The following CCDC88C variants were observed in gnomAD, a reference collection of about 807,000 sequenced individuals.
CCDC88C encodes the protein protein Daple.
Under a neutral mutation model 198.8 loss-of-function variants are expected in CCDC88C, and 131 were observed. The observed-to-expected ratio is 0.66, with a 90% confidence interval of 0.57 to 0.76. The LOEUF (loss-of-function observed/expected upper bound fraction) is 0.76. Among genes scored for constraint, CCDC88C ranks in the 30% least tolerant of loss-of-function variants. The pLI is 0.00. For synonymous variants in CCDC88C, 1,166 were observed against 1,114.7 expected (o/e 1.05, Z -0.92); for missense variants, 2,553 against 2,631.6 (o/e 0.97, Z 0.65).
intron 3 of CCDC88C, among the ~76,000 whole-genome samples, chr14:91,401,781 G>A (rs1034975532): frequency 2.0e-5 from 3 of 152,072 alleles, no homozygotes; most frequent in Non-Finnish European, 4.4e-5. Context: ...TCTGTACAAC[G>A]TATTATTACT....
chr14:91,278,864 C>A (rs1291367569), intron 28 of CCDC88C, among the ~76,000 whole-genome samples: 1 of 150,256 alleles, frequency 6.7e-6, no homozygotes, highest in Admixed American at 6.6e-5. Flanking sequence ...AATAATATGA[C>A]CCCAGAGCCA....
At chr14:91,323,442 C>T (rs1373444197) in intron 12 of CCDC88C, among the ~76,000 whole-genome samples, 1 of 152,188 alleles carries the variant, frequency 6.6e-6, no homozygotes, top group Non-Finnish European at 1.5e-5. Flanking sequence ...TAAGTACTTG[C>T]CCTAGGTCAC....
At chr14:91,304,385 C>G (rs1037083534) in intron 19 of CCDC88C, among the ~76,000 whole-genome samples, 1 of 152,180 alleles carries the variant, frequency 6.6e-6, no homozygotes, top group Non-Finnish European at 1.5e-5. Flanking sequence ...GAATTCAAGA[C>G]CAGCCTGAGC....
chr14:91,272,849 G>A lies in CCDC88C; in HGVS notation c.5863C>T (p.Pro1955Ser). ...PRSGEVATIT[P>S]VRAGLSLSEG... The stretch of plus-strand genomic sequence containing the variant: ...GAGAGGCTGAGCCCTGCCCGGACAG[G>A]GGTGATGGTGGCCACCTCCCCTGAG... Residue 1955 changes from proline to serine, a missense_variant, in exon 30 of 30, where the codon CCT (proline) becomes TCT (serine). Pro to Ser is a moderately conservative substitution (Grantham distance 74). This residue lies in a region of CCDC88C where 1,293 missense variants were observed against 1,219.6 expected (regional missense o/e 1.06). Coordinates refer to ENST00000389857, the MANE Select transcript of CCDC88C (RefSeq NM_001080414.4). 3.1e-6 allele frequency: 5 copies of A among 1,593,772 alleles called. No individual in the cohort carries two copies. The highest frequency in any genetic ancestry group is 1.1e-5 in the South Asian group (1 of 89,808).
At chr14:91,391,179 G>C (rs1331323436) in intron 3 of CCDC88C, among the ~76,000 whole-genome samples, 2 of 151,856 alleles carry the variant, frequency 1.3e-5, no homozygotes, top group Non-Finnish European at 2.9e-5. Flanking sequence ...CTGGACCCAG[G>C]GAATGCAGAA....
intron 4 of CCDC88C, among the ~76,000 whole-genome samples, chr14:91,350,900 T>C (rs1361237926): frequency 6.6e-6 from 1 of 152,204 alleles, no homozygotes; most frequent in Non-Finnish European, 1.5e-5. Flanking sequence ...GCATGATGAC[T>C]CCATCTCAGA....
At chr14:91,316,831 T>C (rs1000859594) in intron 13 of CCDC88C, among the ~76,000 whole-genome samples, 6 of 152,194 alleles carry the variant, frequency 3.9e-5, no homozygotes, top group Non-Finnish European at 8.8e-5. Flanking sequence ...TATACTCCGG[T>C]CCATCCCCGA....
rs1239070390 is a variant in CCDC88C, at chr14:91,386,289, C to CAAAAA, written c.270+22365_270+22369dup. On this transcript the variant is annotated intron_variant, in intron 3 of 29. Transcript: ENST00000389857. ...TGAAACCCTGTCTCTACTAAAAATA[C>CAAAAA]AAAAAAAAAAAAAAACAAAAACCTA... Among the ~76,000 whole-genome samples the CAAAAA allele has an allele frequency of 6.5e-5, 7 of 106,892 alleles. 1 individual carries two copies. The highest frequency in any genetic ancestry group is 2.7e-4 in the East Asian group (1 of 3,704). 70.1% of individuals were successfully genotyped at this position (106,892 alleles called of 152,430 possible).
chr14:91,410,858 G>T (rs1177495692), intron 2 of CCDC88C, among the ~76,000 whole-genome samples: 1 of 152,048 alleles, frequency 6.6e-6, no homozygotes, highest in South Asian at 2.1e-4. Context: ...GAAGTCAGAC[G>T]GGACCACCCC....
intron 20 of CCDC88C, among the ~76,000 whole-genome samples, chr14:91,300,422 C>T (rs746339855): frequency 1.3e-4 from 20 of 152,202 alleles, no homozygotes; most frequent in Non-Finnish European, 2.4e-4. Context: ...ATTATAAATA[C>T]GCTACTAGGT....
chr14:91,297,111 A>T (rs1051243118), intron 22 of CCDC88C, among the ~76,000 whole-genome samples, 194 bp downstream of exon 22: 1 of 152,168 alleles, frequency 6.6e-6, no homozygotes, highest in African/African-American at 2.4e-5. Flanking sequence ...GTGTTTTCGT[A>T]TACAGTCCCA....
intron 2 of CCDC88C, among the ~76,000 whole-genome samples, chr14:91,413,882 T>TG (rs755110924): frequency 2.6e-5 from 4 of 152,132 alleles, no homozygotes; most frequent in Non-Finnish European, 5.9e-5. Context: ...CCTACAAACT[T>TG]GGGGTGAAGG....
Position 91,289,092 on chromosome 14 carries a change from C to T in CCDC88C, c.4441+13G>A, listed in dbSNP as rs1890544802. On this transcript the variant is annotated intron_variant, in intron 25 of 29. Coordinates refer to ENST00000389857, the MANE Select transcript of CCDC88C (RefSeq NM_001080414.4). ...CTTCCTCACCCGACCACGGCCAGGA[C>T]GGCCGCCCCTACCTTTCCCCACAGA... 2.5e-6 allele frequency: 4 copies of T among 1,605,938 alleles called. No individual in the cohort carries two copies. The highest frequency in any genetic ancestry group is 2.5e-6 in the Non-Finnish European group (3 of 1,177,100).
intron 4 of CCDC88C, among the ~76,000 whole-genome samples, chr14:91,355,165 C>T (rs1003180114): frequency 2.6e-5 from 4 of 152,068 alleles, no homozygotes; most frequent in Non-Finnish European, 4.4e-5. Flanking sequence ...AGCAGCCAGG[C>T]GGAAGCAGGG....
In CCDC88C at chr14:91,277,915, C is replaced by G. The variant is rs1254196108; in HGVS notation, c.5058+7G>C. ...AGACGGGCCAAGTCCGTGTCCGGAT[C>G]ACTCACATGGGTGGGGGAGCTGCGG... On this transcript the variant is annotated splice_region_variant and intron_variant, in intron 29 of 29. Coordinates refer to ENST00000389857, the MANE Select transcript of CCDC88C (RefSeq NM_001080414.4). 14 of 1,487,042 alleles carry G rather than the reference C, an allele frequency of 9.4e-6. No homozygotes were observed. Among genetic ancestry groups the G allele is most frequent in the Non-Finnish European group, 1.3e-5 (14 of 1,110,230 alleles). 92.1% of individuals were successfully genotyped at this position (1,487,042 alleles called of 1,614,324 possible). A position where few individuals can be genotyped will look rare whatever the true frequency, so the allele number is the denominator to read the frequency against.
At chr14:91,308,253 G>T in intron 17 of CCDC88C, 98 bp downstream of exon 17, 1 of 1,403,468 alleles carries the variant, frequency 7.1e-7, no homozygotes, top group South Asian at 1.3e-5. Flanking sequence ...CCTAGAAAAT[G>T]GGTATCCAGG....
intron 3 of CCDC88C, among the ~76,000 whole-genome samples, chr14:91,392,451 A>G (rs912213873): frequency 1.3e-5 from 2 of 152,158 alleles, no homozygotes; most frequent in African/African-American, 4.8e-5. Context: ...AAGGGGAAAG[A>G]GAAACGAGAG....
chr14:91,294,262 C>T lies in CCDC88C; in HGVS notation c.4023G>A (p.Gln1341=), dbSNP rs759893544. Residue 1341 remains glutamine, a synonymous_variant, in exon 23 of 30, where the codon CAG becomes CAA. Coordinates refer to ENST00000389857, the MANE Select transcript of CCDC88C (RefSeq NM_001080414.4). ...LEEENHHLLS[Q]IQLLSQQNQM... is the part of the protein sequence containing the mutation. ...GGTTCTGCTGGCTCAACAGCTGGAT[C>T]TGGCTCAGGAGGTGATGATTTTCTT... 6.2e-6 allele frequency: 10 copies of T among 1,614,018 alleles called. No homozygotes were observed. In the Admixed American group the frequency reaches 1.0e-4, roughly 16 times the overall value.
intron 3 of CCDC88C, among the ~76,000 whole-genome samples, chr14:91,404,215 T>C (rs1287462226): frequency 6.6e-6 from 1 of 152,220 alleles, no homozygotes; most frequent in Non-Finnish European, 1.5e-5. Context: ...CTACTCTGGC[T>C]TTCTCTGCCC....
Sources: gnomAD v4.1 joint callset for allele counts (sites outside exome capture counted in the v4.1 genomes callset) on GRCh38, gnomAD v4.1.1 for gene constraint, gnomAD v4.1.1 regional missense constraint, MANE v1.5 for transcripts, NCBI Gene and HGNC (gene_info 2026-07-23, HGNC 2026-07-21) for gene names.